The following OXR1 variants were observed in gnomAD, a reference collection of about 807,000 sequenced individuals.
OXR1 encodes the protein oxidation resistance 1.
In OXR1, 41 loss-of-function variants were observed where a neutral mutation model predicts 104.6. The observed-to-expected ratio is 0.39, with a 90% CI of 0.31 to 0.51. The LOEUF (loss-of-function observed/expected upper bound fraction) is 0.51. Ranked by LOEUF, OXR1 falls within the 20% of genes least tolerant of loss-of-function variation. The pLI is 0.77. For synonymous variants in OXR1, 348 were observed against 348.4 expected, an observed-to-expected ratio of 1.00 and a Z score of 0.01; for missense variants, 955 against 1,031.9, an observed-to-expected ratio of 0.93 and a Z score of 1.02.
At chr8:106,660,404 A>G (rs1175819629) in intron 3 of OXR1, among the ~76,000 whole-genome samples, 1 of 152,160 alleles carries the variant, frequency 6.6e-6, no homozygotes, top group Non-Finnish European at 1.5e-5. Flanking sequence ...CAGTTTCTTA[A>G]TAGCTGCTTA....
At chr8:106,696,332 TA>T (rs1830029171) in intron 7 of OXR1, among the ~76,000 whole-genome samples, 1 of 152,236 alleles carries the variant, frequency 6.6e-6, no homozygotes, top group African/African-American at 2.4e-5. Context: ...TATTACTGAA[TA>T]TTCCACTGAG....
intron 3 of OXR1, among the ~76,000 whole-genome samples, chr8:106,670,455 A>G (rs747313523): frequency 9.2e-5 from 14 of 152,190 alleles, no homozygotes; most frequent in Non-Finnish European, 1.9e-4. Flanking sequence ...ATGTGACACA[A>G]TAGAGAATAG....
At chr8:106,430,438 A>G (rs1454851926) in intron 2 of OXR1, among the ~76,000 whole-genome samples, 1 of 152,196 alleles carries the variant, frequency 6.6e-6, no homozygotes, top group Non-Finnish European at 1.5e-5. Flanking sequence ...CAGCTGCCTC[A>G]GGAAGAAAAG....
At chr8:106,323,051 A>G (rs941827504) in intron 1 of OXR1, among the ~76,000 whole-genome samples, 1 of 152,186 alleles carries the variant, frequency 6.6e-6, no homozygotes, top group African/African-American at 2.4e-5. Flanking sequence ...TTTAAAATTT[A>G]TATGGAACCA....
chr8:106,554,850 G>A (rs1299263117), intron 3 of OXR1, among the ~76,000 whole-genome samples: 1 of 152,048 alleles, frequency 6.6e-6, no homozygotes, highest in African/African-American at 2.4e-5. Context: ...GATTAAAGCA[G>A]AATGTCCAAG....
chr8:106,447,987 A>G (rs1820091396), intron 2 of OXR1: 3 of 1,533,486 alleles, frequency 2.0e-6, no homozygotes, highest in Non-Finnish European at 2.6e-6. Context: ...CCCGGCTCCC[A>G]CACAGCTATA....
chr8:106,727,290 A>C lies in OXR1; in HGVS notation c.1957-10230A>C, dbSNP rs28924683. Among the ~76,000 whole-genome samples the C allele has an allele frequency of 0.012, 1,768 of 152,240 alleles. 70 individuals are homozygous for C. The East Asian group carries it at 0.13, about 12-fold the overall frequency. ...TTTATTCTTAGTTTGCAAAGACTTC[A>C]ATACAGTTTATTACAAATACAAGCA... On this transcript the variant is annotated intron_variant, in intron 11 of 16. Transcript: ENST00000517566.
At chr8:106,426,916 T>C (rs1586632080) in intron 2 of OXR1, among the ~76,000 whole-genome samples, 1 of 152,190 alleles carries the variant, frequency 6.6e-6, no homozygotes, top group East Asian at 1.9e-4. Context: ...TTGTTAGAAA[T>C]ATTTTTGAAA....
chr8:106,588,876 C>A (rs1818856158), intron 3 of OXR1, among the ~76,000 whole-genome samples: 1 of 152,220 alleles, frequency 6.6e-6, no homozygotes, highest in Admixed American at 6.5e-5. Flanking sequence ...CAATACTAGG[C>A]AGATTACTTA....
In OXR1 at chr8:106,740,307, G is replaced by T. The variant is rs1260723506; in HGVS notation, c.2164-36G>T. On this transcript the variant is annotated intron_variant, in intron 13 of 16. Transcript: ENST00000517566. ...TAGTATTCTACATAATGAACAACAA[G>T]CTATCAAGTAAATACTAACACTTTG... 5 of 1,565,712 alleles carry T rather than the reference G, an allele frequency of 3.2e-6. No individual in the cohort carries two copies. In the South Asian group the frequency reaches 5.8e-5, roughly 18 times the overall value.
chr8:106,470,430 T>C (rs942095783), intron 2 of OXR1, among the ~76,000 whole-genome samples: 2 of 151,736 alleles, frequency 1.3e-5, no homozygotes, highest in Admixed American at 1.3e-4. Context: ...TCCGAGTATT[T>C]TGGCCTGAGC....
chr8:106,528,830 GTC>G (rs1212047945), intron 3 of OXR1, among the ~76,000 whole-genome samples: 1 of 152,206 alleles, frequency 6.6e-6, no homozygotes, highest in Non-Finnish European at 1.5e-5. Flanking sequence ...AAAGCAGGAA[GTC>G]TCTGTGATTT....
intron 11 of OXR1, among the ~76,000 whole-genome samples, chr8:106,715,109 T>TA: frequency 1.3e-5 from 2 of 152,230 alleles, no homozygotes; most frequent in South Asian, 4.1e-4. Flanking sequence ...TTTGAATACT[T>TA]ACAGAATTCC....
chr8:106,557,966 C>A (rs1816406146), intron 3 of OXR1, among the ~76,000 whole-genome samples: 1 of 152,176 alleles, frequency 6.6e-6, no homozygotes, highest in South Asian at 2.1e-4. Flanking sequence ...ATGAGCAAAG[C>A]AAAGTATATT....
intron 3 of OXR1, among the ~76,000 whole-genome samples, chr8:106,649,921 C>T (rs1267214314): frequency 6.6e-6 from 1 of 152,082 alleles, no homozygotes; most frequent in Non-Finnish European, 1.5e-5. Context: ...TGGTCTCGAC[C>T]TCCTGACTTC....
At chr8:106,447,795 A>G in intron 2 of OXR1, 1 of 930,908 alleles carries the variant, frequency 1.1e-6, no homozygotes, top group East Asian at 2.7e-5. Flanking sequence ...GTACACACCG[A>G]ACGGCATATT....
At chr8:106,529,490 C>A (rs1049193903) in intron 3 of OXR1, among the ~76,000 whole-genome samples, 2 of 152,002 alleles carry the variant, frequency 1.3e-5, no homozygotes, top group African/African-American at 4.8e-5. Context: ...TACCAAGGAA[C>A]CGGAGGTATT....
chr8:106,350,698 T>C (rs1815687274), intron 1 of OXR1, among the ~76,000 whole-genome samples: 1 of 152,188 alleles, frequency 6.6e-6, no homozygotes, highest in Non-Finnish European at 1.5e-5. Flanking sequence ...TAGGTATCAA[T>C]AGGATATAAA....
At chr8:106,637,937 ATTTTT>A (rs969554826) in intron 3 of OXR1, among the ~76,000 whole-genome samples, 11 of 149,494 alleles carry the variant, frequency 7.4e-5, no homozygotes, top group Admixed American at 2.7e-4. Context: ...ACTTTTTTGT[ATTTTT>A]TTTTAGTAGA....
Sources: allele counts gnomAD v4.1 joint callset (sites outside exome capture counted in the v4.1 genomes callset), GRCh38; gene constraint gnomAD v4.1.1; transcripts MANE v1.5; gene names NCBI Gene and HGNC (gene_info 2026-07-23, HGNC 2026-07-21).